ZNRF3: variants seen among roughly 807,000 people sequenced by gnomAD.
ZNRF3 encodes zinc and ring finger 3.
A neutral mutation model predicts 72.5 loss-of-function variants in ZNRF3; 23 were observed. That is an observed-to-expected ratio of 0.32 (90% CI 0.23 to 0.45). The LOEUF (loss-of-function observed/expected upper bound fraction) is 0.45, where lower values mean the gene tolerates loss of function less well. Among genes scored for constraint, ZNRF3 ranks in the 20% least tolerant of loss-of-function variants. ZNRF3 has a pLI of 1.00. For synonymous variants in ZNRF3, 610 were observed against 545.3 expected (o/e 1.12, Z -1.65); for missense variants, 1,169 against 1,272.1 (o/e 0.92, Z 1.23).
chr22:28,920,537 C>T (rs143252515), intron 1 of ZNRF3, among the ~76,000 whole-genome samples: 2,495 of 152,266 alleles, frequency 0.016, 79 homozygotes, highest in African/African-American at 0.057. Flanking sequence ...TCCCAGAGTA[C>T]TGGGATTACA....
chr22:28,956,911 A>AG (rs1172858381), intron 1 of ZNRF3, among the ~76,000 whole-genome samples: 1 of 152,216 alleles, frequency 6.6e-6, no homozygotes, highest in Non-Finnish European at 1.5e-5. Context: ...ATGTAGCCAC[A>AG]GGGGTCTAAG....
At chr22:28,925,075 C>A (rs1165466155) in intron 1 of ZNRF3, among the ~76,000 whole-genome samples, 1 of 152,192 alleles carries the variant, frequency 6.6e-6, no homozygotes. Context: ...AACCCTGTAC[C>A]ATACATACCT....
At chr22:28,957,911 C>T (rs1306589890) in intron 1 of ZNRF3, among the ~76,000 whole-genome samples, 2 of 151,652 alleles carry the variant, frequency 1.3e-5, no homozygotes, top group Admixed American at 6.6e-5. Context: ...TCTTGCTGGG[C>T]GCGGTGGTTC....
chr22:29,031,713 G>A (rs1421889658), intron 2 of ZNRF3: 1 of 853,854 alleles, frequency 1.2e-6, no homozygotes, highest in East Asian at 1.2e-4. Context: ...CTGGCCTGGG[G>A]TAGGACCCGC....
intron 5 of ZNRF3, among the ~76,000 whole-genome samples, chr22:29,045,919 A>T (rs1471618186): frequency 1.3e-5 from 2 of 152,178 alleles, no homozygotes; most frequent in Admixed American, 6.5e-5. Context: ...GTCCCAGTAC[A>T]TCAAGTGGCG....
chr22:28,892,205 C>A (rs1041995104), intron 1 of ZNRF3, among the ~76,000 whole-genome samples: 1 of 152,210 alleles, frequency 6.6e-6, no homozygotes, highest in Non-Finnish European at 1.5e-5. Context: ...TGGTGCCCCC[C>A]GTCCATCAGA....
At chr22:28,915,245 C>A (rs2034388260) in intron 1 of ZNRF3, among the ~76,000 whole-genome samples, 1 of 152,304 alleles carries the variant, frequency 6.6e-6, no homozygotes, top group African/African-American at 2.4e-5. Context: ...AGGCCTGTCT[C>A]CTTGGCTTAT....
At chr22:29,031,516 C>T (rs1403935755) in intron 2 of ZNRF3, 2 of 913,866 alleles carry the variant, frequency 2.2e-6, no homozygotes, top group East Asian at 2.4e-4. Flanking sequence ...TGTCCTGTGT[C>T]ATGCAGTGAC....
At chr22:28,973,110 C>T (rs1294096000) in intron 1 of ZNRF3, among the ~76,000 whole-genome samples, 2 of 152,088 alleles carry the variant, frequency 1.3e-5, no homozygotes, top group Non-Finnish European at 2.9e-5. Context: ...TCCCAAGTAG[C>T]CAGGATTACA....
chr22:28,922,643 T>A (rs2034530098), intron 1 of ZNRF3, among the ~76,000 whole-genome samples: 1 of 152,198 alleles, frequency 6.6e-6, no homozygotes, highest in Non-Finnish European at 1.5e-5. Flanking sequence ...TGGGAAAGAT[T>A]TGTTTTCCCT....
intron 1 of ZNRF3, among the ~76,000 whole-genome samples, chr22:28,919,618 C>T (rs1221503866): frequency 6.6e-6 from 1 of 151,326 alleles, no homozygotes; most frequent in African/African-American, 2.4e-5. Context: ...TGGCTCACTG[C>T]ACCTCAGCCT....
At chr22:28,890,635 T>C (rs2033867386) in intron 1 of ZNRF3, among the ~76,000 whole-genome samples, 1 of 152,240 alleles carries the variant, frequency 6.6e-6, no homozygotes, top group South Asian at 2.1e-4. Flanking sequence ...GGATAGGTTA[T>C]GGAAGGAAAG....
intron 1 of ZNRF3, among the ~76,000 whole-genome samples, chr22:28,934,722 G>A (rs1206785501): frequency 6.7e-6 from 1 of 149,756 alleles, no homozygotes; most frequent in East Asian, 2.0e-4. Flanking sequence ...AGAGGCTGAA[G>A]CACAAGAATC....
intron 1 of ZNRF3, among the ~76,000 whole-genome samples, chr22:28,908,014 A>G (rs978163297): frequency 2.0e-5 from 3 of 152,226 alleles, no homozygotes; most frequent in African/African-American, 7.2e-5. Flanking sequence ...CTACTTTTGG[A>G]TCATGAAAAT....
chr22:28,906,415 T>C (rs1034236702), intron 1 of ZNRF3, among the ~76,000 whole-genome samples: 5 of 152,214 alleles, frequency 3.3e-5, no homozygotes, highest in Non-Finnish European at 7.3e-5. Flanking sequence ...GTAAGGGGCA[T>C]AGTGGTGGAG....
Position 29,046,050 on chromosome 22 carries a change from T to G in ZNRF3, c.745-666T>G, listed in dbSNP as rs576324297. 5.9e-5 allele frequency among the ~76,000 whole-genome samples: 9 copies of G among 152,290 alleles called. 1 individual carries two copies. In the South Asian group the frequency reaches 1.5e-3, roughly 25 times the overall value. On this transcript the variant is annotated intron_variant, in intron 5 of 8. Transcript: ENST00000544604. ...AGGCCACCTACACAGTATACCAGGC[T>G]CTCTGGGTGATGCTTGATTAACAGT...
chr22:29,028,197 G>T (rs544649766), intron 2 of ZNRF3, among the ~76,000 whole-genome samples: 1 of 152,216 alleles, frequency 6.6e-6, no homozygotes, highest in Non-Finnish European at 1.5e-5. Flanking sequence ...CAATGGCAAT[G>T]AATATAACGC....
At chr22:29,036,024 G>A (rs117409918) in intron 2 of ZNRF3, among the ~76,000 whole-genome samples, 2,389 of 152,182 alleles carry the variant, frequency 0.016, 49 homozygotes, top group South Asian at 0.058. Context: ...TTTGGTGGGC[G>A]TGTGTCTGTA....
At position 29,021,297 on chromosome 22, in the gene ZNRF3, C is replaced by T. The variant is rs2036534845; in HGVS notation, c.427-21198C>T. 2.0e-5 allele frequency among the ~76,000 whole-genome samples: 3 copies of T among 151,924 alleles called. No individual in the cohort carries two copies. The South Asian group carries it at 6.2e-4, about 32-fold the overall frequency. On this transcript the variant is annotated intron_variant, in intron 2 of 8. Transcript: ENST00000544604. ...ATACTGAGCCAGTTTTAGTAGATAG[C>T]AGAAGGAGGTATTATGTTGCTCGAT...
Sources: allele counts gnomAD v4.1 joint callset (sites outside exome capture counted in the v4.1 genomes callset), GRCh38; gene constraint gnomAD v4.1.1; transcripts MANE v1.5; gene names NCBI Gene and HGNC (gene_info 2026-07-23, HGNC 2026-07-21).